Variants in ALK observed in about 807,000 individuals in gnomAD.
The protein encoded by ALK is ALK receptor tyrosine kinase, also known as ALK tyrosine kinase receptor.
In ALK, 74 loss-of-function variants were observed where a neutral mutation model predicts 163.1. The ratio of observed to expected loss-of-function variants is 0.45; its 90% CI spans 0.38 to 0.55. The LOEUF (loss-of-function observed/expected upper bound fraction) is 0.55, where lower values mean the gene tolerates loss of function less well. Ranked by LOEUF, ALK falls within the 20% of genes least tolerant of loss-of-function variation. The pLI is 0.00. For missense variants in ALK, 2,063 were observed against 2,105.3 expected (o/e 0.98, Z 0.39); for synonymous variants, 960 against 843.2 (o/e 1.14, Z -2.40).
At chr2:29,657,527 G>T (rs1200131126) in intron 3 of ALK, among the ~76,000 whole-genome samples, 1 of 152,128 alleles carries the variant, frequency 6.6e-6, no homozygotes, top group Non-Finnish European at 1.5e-5. Flanking sequence ...TAGGGAATTG[G>T]GGGATATGGA....
chr2:29,647,683 C>T (rs540210563), intron 3 of ALK, among the ~76,000 whole-genome samples: 51 of 152,204 alleles, frequency 3.4e-4, no homozygotes, highest in African/African-American at 1.1e-3. Flanking sequence ...AGCTTGAATG[C>T]CCCTTTTCAC....
chr2:29,827,470 G>T (rs1328026076), intron 1 of ALK, among the ~76,000 whole-genome samples: 1 of 152,200 alleles, frequency 6.6e-6, no homozygotes, highest in African/African-American at 2.4e-5. Context: ...ACTCTTTGCA[G>T]ATTTTACATA....
intron 4 of ALK, among the ~76,000 whole-genome samples, chr2:29,474,878 C>T (rs1671465738): frequency 6.6e-6 from 1 of 152,150 alleles, no homozygotes; most frequent in South Asian, 2.1e-4. Context: ...GCACAAAAGC[C>T]TGAACAAATT....
At chr2:29,304,575 G>A (rs1054097541) in intron 8 of ALK, among the ~76,000 whole-genome samples, 1 of 151,870 alleles carries the variant, frequency 6.6e-6, no homozygotes, top group Admixed American at 6.6e-5. Context: ...GTGCTCCTGT[G>A]ACTCATCCCA....
At chr2:29,514,417 G>T (rs1297143103) in intron 4 of ALK, among the ~76,000 whole-genome samples, 1 of 151,730 alleles carries the variant, frequency 6.6e-6, no homozygotes, top group Non-Finnish European at 1.5e-5. Context: ...ACCAAACACC[G>T]CATATTCTCA....
chr2:29,320,147 G>C (rs139399970), intron 7 of ALK, among the ~76,000 whole-genome samples: 64 of 152,372 alleles, frequency 4.2e-4, no homozygotes, highest in African/African-American at 1.4e-3. Flanking sequence ...ACCCAGGAGG[G>C]GCTGGCTATC....
At chr2:29,481,835 A>G (rs1671665576) in intron 4 of ALK, among the ~76,000 whole-genome samples, 1 of 152,206 alleles carries the variant, frequency 6.6e-6, no homozygotes, top group East Asian at 1.9e-4. Context: ...ACATTCAGGA[A>G]AGAGGGTCAA....
chr2:29,892,812 ACTT>A lies in ALK; in HGVS notation c.667+27178_667+27180del, dbSNP rs1408420943. ...CACATACTTCCCAACTGTGTATAAT[ACTT>A]CTTCCTTTTAAGTAAGCTTGTGGTA... On this transcript the variant is annotated intron_variant, in intron 1 of 28. Coordinates refer to ENST00000389048, the MANE Select transcript of ALK (RefSeq NM_004304.5). Among the ~76,000 whole-genome samples the A allele has an allele frequency of 3.9e-5, 6 of 152,244 alleles. No individual in the cohort carries two copies. In the South Asian group the frequency reaches 1.2e-3, roughly 32 times the overall value.
At chr2:29,473,853 C>CAAAACAAAAACAAAAACA (rs61386576) in intron 4 of ALK, among the ~76,000 whole-genome samples, 52 of 151,012 alleles carry the variant, frequency 3.4e-4, no homozygotes, top group Middle Eastern at 3.4e-3. Flanking sequence ...GAGACTTTGT[C>CAAAACAAAAACAAAAACA]AAAACAAAAA....
intron 1 of ALK, among the ~76,000 whole-genome samples, chr2:29,718,958 C>T (rs529448431): frequency 1.3e-5 from 2 of 152,314 alleles, no homozygotes; most frequent in South Asian, 4.1e-4. Flanking sequence ...ACATTACCCC[C>T]TGTACCAGCT....
chr2:29,669,463 C>T (rs1677617203), intron 3 of ALK, among the ~76,000 whole-genome samples: 1 of 151,902 alleles, frequency 6.6e-6, no homozygotes, highest in Admixed American at 6.6e-5. Context: ...TTTTTTCACC[C>T]CTTCACTTTC....
intron 5 of ALK, among the ~76,000 whole-genome samples, chr2:29,347,950 CA>C (rs1316888503): frequency 6.6e-6 from 1 of 152,142 alleles, no homozygotes; most frequent in African/African-American, 2.4e-5. Context: ...ATGCAAATTA[CA>C]TTGGTGCTGG....
In ALK at chr2:29,901,996, G is replaced by T. The variant is rs575083991; in HGVS notation, c.667+17997C>A. Among the ~76,000 whole-genome samples, 7 of 152,290 alleles carry T rather than the reference G, an allele frequency of 4.6e-5. No homozygotes were observed. The South Asian group carries it at 8.3e-4, about 18-fold the overall frequency. ...ATACAGTTGCATAATCCATAATTCA[G>T]CAAGCTTTTCATTTCTCTTATCTTC... On this transcript the variant is annotated intron_variant, in intron 1 of 28. Transcript: ENST00000389048.
chr2:29,343,277 TG>T (rs1348489621), intron 5 of ALK, among the ~76,000 whole-genome samples: 1 of 149,318 alleles, frequency 6.7e-6, no homozygotes, highest in Non-Finnish European at 1.5e-5. Context: ...GGCACGATCA[TG>T]GCTCACAGCA....
At chr2:29,527,753 G>A (rs1313791100) in intron 4 of ALK, among the ~76,000 whole-genome samples, 1 of 152,112 alleles carries the variant, frequency 6.6e-6, no homozygotes, top group East Asian at 1.9e-4. Flanking sequence ...GGCCCCAAGT[G>A]ATCCTCCCGC....
intron 4 of ALK, among the ~76,000 whole-genome samples, chr2:29,390,695 C>T (rs528249479): frequency 4.6e-5 from 7 of 152,198 alleles, no homozygotes; most frequent in Admixed American, 6.5e-5. Flanking sequence ...CAAATATAAA[C>T]CATTCAGCAC....
At chr2:29,607,702 C>T (rs894582388) in intron 3 of ALK, among the ~76,000 whole-genome samples, 1 of 152,154 alleles carries the variant, frequency 6.6e-6, no homozygotes, top group African/African-American at 2.4e-5. Context: ...CTCCTTCTAC[C>T]TCCCTCTCAG....
At chr2:29,524,955 T>C (rs1161325666) in intron 4 of ALK, among the ~76,000 whole-genome samples, 1 of 151,990 alleles carries the variant, frequency 6.6e-6, no homozygotes, top group African/African-American at 2.4e-5. Flanking sequence ...AGATGGTTGG[T>C]GGATGAATGG....
At chr2:29,324,840 T>C (rs1470852005) in intron 6 of ALK, among the ~76,000 whole-genome samples, 2 of 152,170 alleles carry the variant, frequency 1.3e-5, no homozygotes, top group African/African-American at 4.8e-5. Context: ...CCGAGAGTAC[T>C]GTGTTGGAGT....
Sources: allele counts gnomAD v4.1 joint callset (sites outside exome capture counted in the v4.1 genomes callset), GRCh38; gene constraint gnomAD v4.1.1; transcripts MANE v1.5; gene names NCBI Gene and HGNC (gene_info 2026-07-23, HGNC 2026-07-21).